The following DCBLD2 variants were observed in gnomAD, a reference collection of about 807,000 sequenced individuals.
DCBLD2 encodes the protein discoidin, CUB and LCCL domain containing 2.
A neutral mutation model predicts 86.8 loss-of-function variants in DCBLD2; 54 were observed. That is an observed-to-expected ratio of 0.62 (90% CI 0.50 to 0.78). The LOEUF is 0.78. DCBLD2 is among the 30% of genes least tolerant of loss of function. The probability of loss-of-function intolerance (pLI) is 0.00; values close to 1 mark genes in which losing one functional copy is unlikely to be tolerated. For missense variants in DCBLD2, 908 were observed against 954.2 expected, an observed-to-expected ratio of 0.95 and a Z score of 0.64; for synonymous variants, 354 against 341.3, an observed-to-expected ratio of 1.04 and a Z score of -0.41.
intron 2 of DCBLD2, among the ~76,000 whole-genome samples, chr3:98,867,751 C>T (rs1274857421): frequency 7.7e-6 from 1 of 130,294 alleles, no homozygotes; most frequent in African/African-American, 2.8e-5. Context: ...GTAAGGGAAT[C>T]ATGGAAAAGC....
At chr3:98,800,205 T>C (rs1367629703) in intron 15 of DCBLD2, among the ~76,000 whole-genome samples, 1 of 152,196 alleles carries the variant, frequency 6.6e-6, no homozygotes, top group Non-Finnish European at 1.5e-5. Context: ...TGAAAAATAA[T>C]TTCAGAGATT....
At chr3:98,900,913 C>T in intron 1 of DCBLD2, 1 of 840,712 alleles carries the variant, frequency 1.2e-6, no homozygotes, top group Non-Finnish European at 1.8e-6. Context: ...AATAAATGGC[C>T]TTGCCAAAAA....
chr3:98,856,926 AAAG>A (rs1942942153), intron 2 of DCBLD2, among the ~76,000 whole-genome samples: 2 of 152,238 alleles, frequency 1.3e-5, no homozygotes, highest in African/African-American at 4.8e-5. Context: ...TATAAATGGC[AAAG>A]AAGATTCAAC....
At chr3:98,898,952 A>G (rs1402981394) in intron 1 of DCBLD2, among the ~76,000 whole-genome samples, 2 of 152,186 alleles carry the variant, frequency 1.3e-5, no homozygotes, top group Non-Finnish European at 2.9e-5. Context: ...ATTCCTGCAT[A>G]CTATCATTTC....
intron 1 of DCBLD2, among the ~76,000 whole-genome samples, chr3:98,881,988 T>C (rs1943480147): frequency 1.3e-5 from 2 of 152,310 alleles, no homozygotes; most frequent in African/African-American, 4.8e-5. Flanking sequence ...TCAGGGCAAT[T>C]AGCAAATGCA....
chr3:98,842,493 C>T (rs1457359806), intron 3 of DCBLD2, among the ~76,000 whole-genome samples: 1 of 152,194 alleles, frequency 6.6e-6, no homozygotes, highest in Non-Finnish European at 1.5e-5. Context: ...AGCCAATTAA[C>T]ATTTACTAAG....
chr3:98,898,892 G>A (rs1943796353), intron 1 of DCBLD2, among the ~76,000 whole-genome samples: 1 of 152,038 alleles, frequency 6.6e-6, no homozygotes, highest in African/African-American at 2.4e-5. Flanking sequence ...TAGTAAGATC[G>A]AGATTAGTAA....
At chr3:98,857,487 C>T (rs1217818915) in intron 2 of DCBLD2, among the ~76,000 whole-genome samples, 1 of 151,830 alleles carries the variant, frequency 6.6e-6, no homozygotes, top group African/African-American at 2.4e-5. Flanking sequence ...TTACAGAGAG[C>T]TTATTGGTCC....
At chr3:98,858,584 G>A (rs1942980623) in intron 2 of DCBLD2, among the ~76,000 whole-genome samples, 1 of 152,200 alleles carries the variant, frequency 6.6e-6, no homozygotes, top group African/African-American at 2.4e-5. Context: ...CTTTCGCATA[G>A]CAAAGAAAAC....
At chr3:98,888,045 C>T (rs1427619899) in intron 1 of DCBLD2, among the ~76,000 whole-genome samples, 5 of 151,968 alleles carry the variant, frequency 3.3e-5, no homozygotes, top group African/African-American at 4.8e-5. Flanking sequence ...CTAGTTTTGC[C>T]TTTTCCAGAG....
In DCBLD2 at chr3:98,801,664, A is replaced by G. The variant is rs925440069; in HGVS notation, c.1671-15T>C. ...TTTTTTTCTTTCTGGAAAAATACAG[A>G]AGAGAAGTTAGCAAACAGAGTAAAT... On this transcript the variant is annotated splice_polypyrimidine_tract_variant and intron_variant, in intron 13 of 15. Transcript: ENST00000326840. 1 of 1,597,742 alleles carries G rather than the reference A, an allele frequency of 6.3e-7. No individual in the cohort carries two copies. The highest frequency in any genetic ancestry group is 1.7e-5 in the Admixed American group (1 of 58,064).
At chr3:98,849,881 G>T (rs1576180637) in intron 2 of DCBLD2, among the ~76,000 whole-genome samples, 2 of 41,544 alleles carry the variant, frequency 4.8e-5, no homozygotes, top group East Asian at 1.4e-3. Flanking sequence ...AAACAATAAT[G>T]AGGGACTAAA....
chr3:98,890,194 A>G (rs1943633922), intron 1 of DCBLD2, among the ~76,000 whole-genome samples: 1 of 152,076 alleles, frequency 6.6e-6, no homozygotes, highest in Non-Finnish European at 1.5e-5. Flanking sequence ...AATGTAATCA[A>G]GTTAAAATGA....
At chr3:98,845,867 C>T (rs1239393339) in intron 3 of DCBLD2, among the ~76,000 whole-genome samples, 1 of 152,126 alleles carries the variant, frequency 6.6e-6, no homozygotes, top group East Asian at 1.9e-4. Flanking sequence ...CTGGAAACTC[C>T]AATCCTTCAC....
At chr3:98,814,581 G>A (rs1465441609) in intron 9 of DCBLD2, 1 of 152,050 alleles carries the variant, frequency 6.6e-6, no homozygotes, top group Non-Finnish European at 1.5e-5. Context: ...ATGTTAGAAA[G>A]TGATATATTA....
chr3:98,859,856 G>A (rs1022643110), intron 2 of DCBLD2, among the ~76,000 whole-genome samples: 3 of 152,166 alleles, frequency 2.0e-5, no homozygotes, highest in Admixed American at 2.0e-4. Flanking sequence ...CGCCAGCAAC[G>A]GAACAAAGCT....
At chr3:98,810,171 CTT>C (rs1204155480) in intron 12 of DCBLD2, among the ~76,000 whole-genome samples, 1 of 152,188 alleles carries the variant, frequency 6.6e-6, no homozygotes, top group African/African-American at 2.4e-5. Flanking sequence ...ATGAGCAACA[CTT>C]TTCAGTGACT....
chr3:98,839,179 T>TTCCTTCCTTCCTTC (rs1559781597), intron 3 of DCBLD2, among the ~76,000 whole-genome samples: 5,247 of 113,092 alleles, frequency 0.046, 180 homozygotes, highest in Non-Finnish European at 0.062. Flanking sequence ...TTCCTTTCTT[T>TTCCTTCCTTCCTTC]CTTCCTTCCT....
chr3:98,870,709 AGAAAG>A (rs1233379586), intron 2 of DCBLD2, among the ~76,000 whole-genome samples: 1 of 148,716 alleles, frequency 6.7e-6, no homozygotes, highest in East Asian at 2.0e-4. Context: ...AGAGAAAAAA[AGAAAG>A]AAAAAGGAAA....
Sources: allele counts gnomAD v4.1 joint callset (sites outside exome capture counted in the v4.1 genomes callset), GRCh38; gene constraint gnomAD v4.1.1; transcripts MANE v1.5; gene names NCBI Gene and HGNC (gene_info 2026-07-23, HGNC 2026-07-21).